The following MYH13 variants were observed in gnomAD, a reference collection of about 807,000 sequenced individuals.
MYH13 encodes the protein myosin heavy chain 13.
MYH13 carries 177 observed loss-of-function variants against 232.1 expected under a neutral mutation model. The observed-to-expected ratio is 0.76, with a 90% CI of 0.67 to 0.86. The LOEUF is 0.86. Among genes scored for constraint, MYH13 ranks in the 40% least tolerant of loss-of-function variants. The pLI, the probability that MYH13 is intolerant of heterozygous loss-of-function variation, is 0.00. For missense variants in MYH13, 2,246 were observed against 2,405.9 expected (o/e 0.93, Z 1.39); for synonymous variants, 884 against 923.5 (o/e 0.96, Z 0.78).
intron 21 of MYH13, among the ~76,000 whole-genome samples, chr17:10,329,331 C>G (rs1907332846): frequency 6.6e-6 from 1 of 152,170 alleles, no homozygotes; most frequent in South Asian, 2.1e-4. Context: ...CTTGAATTAT[C>G]AAAGGAAAAA....
chr17:10,354,609 C>A, intron 11 of MYH13, 71 bp downstream of exon 11: 1 of 1,384,920 alleles, frequency 7.2e-7, no homozygotes, highest in Admixed American at 1.7e-5. Context: ...CCCATTAGCT[C>A]ACTAACGTGT....
At chr17:10,336,469 A>G (rs142943375) in intron 18 of MYH13, among the ~76,000 whole-genome samples, 1 of 152,168 alleles carries the variant, frequency 6.6e-6, no homozygotes, top group East Asian at 1.9e-4. Context: ...TCTTATGATG[A>G]TCCGGCATCA....
intron 2 of MYH13, among the ~76,000 whole-genome samples, chr17:10,368,413 G>A (rs1453062842): frequency 6.6e-6 from 1 of 152,168 alleles, no homozygotes; most frequent in Non-Finnish European, 1.5e-5. Flanking sequence ...AATAAAAATG[G>A]TGCTTTATGA....
chr17:10,347,655 G>T (rs12602139), intron 12 of MYH13, among the ~76,000 whole-genome samples: 134,180 of 150,306 alleles, frequency 0.89, 60,102 homozygotes, highest in East Asian at 0.96. Flanking sequence ...AAGGACCTGG[G>T]GGCCTGCATT....
chr17:10,338,281 C>T (rs1443677821), intron 18 of MYH13, among the ~76,000 whole-genome samples: 1 of 152,182 alleles, frequency 6.6e-6, no homozygotes, highest in Non-Finnish European at 1.5e-5. Context: ...AAAGAAACCA[C>T]TCTTCCCAAC....
intron 12 of MYH13, among the ~76,000 whole-genome samples, chr17:10,348,554 A>G (rs1167043114): frequency 6.6e-6 from 1 of 152,194 alleles, no homozygotes; most frequent in Admixed American, 6.5e-5. Flanking sequence ...ACTGGCCTTG[A>G]TTATAGTCCT....
intron 27 of MYH13, among the ~76,000 whole-genome samples, chr17:10,316,812 C>A (rs557379384): frequency 6.7e-6 from 1 of 149,488 alleles, no homozygotes; most frequent in Non-Finnish European, 1.5e-5. Flanking sequence ...GTGTGTTGAC[C>A]TTTCTCTCCT....
chr17:10,309,093 G>T, intron 35 of MYH13, 141 bp downstream of exon 35: 1 of 783,890 alleles, frequency 1.3e-6, no homozygotes, highest in Non-Finnish European at 1.9e-6. Context: ...AATTTGTCTT[G>T]ACCACTAGTC....
chr17:10,370,622 T>G (rs1597392119), intron 2 of MYH13, among the ~76,000 whole-genome samples: 1 of 152,184 alleles, frequency 6.6e-6, no homozygotes, highest in South Asian at 2.1e-4. Flanking sequence ...ACTCTCAACT[T>G]TCATCCCTCT....
chr17:10,306,659 C>T lies in MYH13; in HGVS notation c.5296-30G>A, dbSNP rs760903889. 7.4e-6 allele frequency: 12 copies of T among 1,612,576 alleles called. No homozygotes were observed. In the East Asian group the frequency reaches 2.2e-4, roughly 30 times the overall value. On this transcript the variant is annotated intron_variant, in intron 36 of 40. Coordinates refer to ENST00000252172, the MANE Select transcript of MYH13 (RefSeq NM_003802.3). The surrounding 1 kb of genome is among the most constrained non-coding windows in gnomAD (Gnocchi z 4.3). ...TTAAGTTCACAGGACACATCAGAGG[C>T]CCTGTCCGCCCATCCCTACCCAGAG...
chr17:10,335,409 A>G (rs1280101293), intron 18 of MYH13, among the ~76,000 whole-genome samples: 1 of 152,176 alleles, frequency 6.6e-6, no homozygotes, highest in East Asian at 1.9e-4. Flanking sequence ...ATAAAGGGAT[A>G]ATCAACCTGT....
At chr17:10,358,443 A>G (rs1225881620) in intron 7 of MYH13, among the ~76,000 whole-genome samples, 1 of 152,200 alleles carries the variant, frequency 6.6e-6, no homozygotes, top group East Asian at 1.9e-4. Context: ...TCCCTGGACC[A>G]GCAGCATGAA....
Position 10,333,094 on chromosome 17 carries a change from G to A in MYH13, c.2154C>T (p.Leu718=). 1.3e-6 allele frequency: 2 copies of A among 1,551,284 alleles called. No homozygotes were observed. The highest frequency in any genetic ancestry group is 1.7e-6 in the Non-Finnish European group (2 of 1,146,572). Residue 718 remains leucine (L), a synonymous_variant, in exon 19 of 41, where the codon CTC becomes CTT. Coordinates refer to ENST00000252172, the MANE Select transcript of MYH13 (RefSeq NM_003802.3). ...ICRKGFPSRI[L]YADFKQRYRI... ...CCTACCGCTGCTTGAAGTCAGCATA[G>A]AGGATCCGGCTGGGGAATCCCTTCC...
chr17:10,332,704 C>T (rs925782148), intron 19 of MYH13, among the ~76,000 whole-genome samples: 1 of 152,110 alleles, frequency 6.6e-6, no homozygotes, highest in African/African-American at 2.4e-5. Context: ...ATTGTCACAG[C>T]TCAGTGGGGA....
rs118157812 is a variant in MYH13 at position 10,313,742 on chromosome 17, G to A, written c.3985-388C>T. On this transcript the variant is annotated intron_variant, in intron 29 of 40. Coordinates refer to ENST00000252172, the MANE Select transcript of MYH13 (RefSeq NM_003802.3). The stretch of plus-strand genomic sequence containing the variant: ...GTAAATAAGCAAATGCTAAGGAAGT[G>A]TGGTTCACACTGAGGCCTTTTCCTT... 2.2e-3 allele frequency among the ~76,000 whole-genome samples: 333 copies of A among 152,286 alleles called. 4 individuals carry two copies. The East Asian group carries it at 0.027, about 12-fold the overall frequency.
At chr17:10,365,873 GTGTGTGTGTGTGTATGGGGC>G (rs1217299633) in intron 2 of MYH13, among the ~76,000 whole-genome samples, 1 of 151,248 alleles carries the variant, frequency 6.6e-6, no homozygotes, top group Non-Finnish European at 1.5e-5. Context: ...GTGTGTGTGT[GTGTGTGTGTGTGTATGGGGC>G]TGTGTGTGTG....
chr17:10,315,635 C>G (rs567458608), intron 29 of MYH13, 58 bp downstream of exon 29: 1 of 1,469,326 alleles, frequency 6.8e-7, no homozygotes, highest in Non-Finnish European at 9.4e-7. Context: ...ACCAGCTTCA[C>G]GGGTGAAGTG....
intron 2 of MYH13, 130 bp from the exon 3 acceptor site, chr17:10,364,672 T>A: frequency 1.4e-6 from 1 of 734,580 alleles, no homozygotes; most frequent in Non-Finnish European, 2.2e-6. Context: ...TCCTGAGGGA[T>A]CTATGGCCAG....
rs1217892977 is a variant in MYH13, at chr17:10,364,359, C to G, written c.172G>C (p.Asp58His). 6.2e-7 allele frequency: 1 copy of G among 1,613,924 alleles called. No individual in the cohort carries two copies. The highest frequency in any genetic ancestry group is 1.1e-5 in the South Asian group (1 of 91,040). ...VKGMIQTRENDKVIVKTLDDR... is the reference protein window; with the variant it reads ...VKGMIQTRENHKVIVKTLDDR... The stretch of plus-strand genomic sequence containing the variant: ...TCGAGGGTCTTGACTATGACTTTGT[C>G]ATTTTCCCTAGTCTGGATCATGCCT... The change falls in exon 3 of 41, where the codon GAC becomes CAC. Residue 58 changes from aspartate to histidine, a missense_variant. Coordinates refer to ENST00000252172, the MANE Select transcript of MYH13 (RefSeq NM_003802.3).
Sources: allele counts gnomAD v4.1 joint callset (sites outside exome capture counted in the v4.1 genomes callset), GRCh38; gene constraint gnomAD v4.1.1; non-coding constraint Gnocchi (gnomAD v3.1); transcripts MANE v1.5; gene names NCBI Gene and HGNC (gene_info 2026-07-23, HGNC 2026-07-21).